Variants in TMEM108 observed in about 807,000 individuals in gnomAD.
TMEM108 encodes the protein cancer/testis antigen 124.
Under a neutral mutation model 35.1 loss-of-function variants are expected in TMEM108, and 12 were observed. The observed-to-expected ratio is 0.34, with a 90% CI of 0.22 to 0.55. TMEM108 has a LOEUF of 0.55. Among genes scored for constraint, TMEM108 ranks in the 20% least tolerant of loss-of-function variants. The probability of loss-of-function intolerance (pLI) is 0.89; values close to 1 mark genes in which losing one functional copy is unlikely to be tolerated. For synonymous variants in TMEM108, 287 were observed against 308.6 expected, an observed-to-expected ratio of 0.93 and a Z score of 0.73; for missense variants, 680 against 753.3, an observed-to-expected ratio of 0.90 and a Z score of 1.14.
At chr3:133,084,156 TAGAGGAAACCAA>T (rs1189284809) in intron 2 of TMEM108, among the ~76,000 whole-genome samples, 2 of 152,058 alleles carry the variant, frequency 1.3e-5, no homozygotes, top group Non-Finnish European at 2.9e-5. Flanking sequence ...AATTTTCAAC[TAGAGGAAACCAA>T]AGAACAGCAT....
At chr3:133,083,209 C>T (rs1306493865) in intron 2 of TMEM108, among the ~76,000 whole-genome samples, 1 of 142,642 alleles carries the variant, frequency 7.0e-6, no homozygotes, top group Admixed American at 7.1e-5. Flanking sequence ...CTCAGCCTGG[C>T]TTGACTGTTT....
intron 2 of TMEM108, among the ~76,000 whole-genome samples, chr3:133,191,966 G>A (rs1161456626): frequency 6.6e-6 from 1 of 152,056 alleles, no homozygotes; most frequent in Admixed American, 6.6e-5. Flanking sequence ...TGCCAGAGTG[G>A]CCCAACTTCT....
chr3:133,049,579 C>G (rs6787181), intron 2 of TMEM108, among the ~76,000 whole-genome samples: 93,491 of 152,072 alleles, frequency 0.61, 29,582 homozygotes, highest in African/African-American at 0.77. Flanking sequence ...GTCTGTGACT[C>G]TATCTTGCTG....
intron 2 of TMEM108, among the ~76,000 whole-genome samples, chr3:133,112,840 T>C (rs965779752): frequency 6.6e-6 from 1 of 152,164 alleles, no homozygotes; most frequent in Non-Finnish European, 1.5e-5. Flanking sequence ...GACGTAAGTG[T>C]TCTGAGAATC....
intron 2 of TMEM108, among the ~76,000 whole-genome samples, chr3:133,228,363 T>A (rs960124764): frequency 1.3e-5 from 2 of 152,204 alleles, no homozygotes; most frequent in African/African-American, 4.8e-5. Flanking sequence ...AATATTTGCC[T>A]CTCGGCAGAG....
chr3:133,304,605 G>A (rs1234205982), intron 3 of TMEM108, among the ~76,000 whole-genome samples: 1 of 152,066 alleles, frequency 6.6e-6, no homozygotes, highest in African/African-American at 2.4e-5. Context: ...ATTCTGTATA[G>A]TCTCTTGCAT....
chr3:133,175,459 C>A (rs1945204051), intron 2 of TMEM108, among the ~76,000 whole-genome samples: 1 of 152,184 alleles, frequency 6.6e-6, no homozygotes, highest in African/African-American at 2.4e-5. Context: ...GCCCATCAGA[C>A]TAACAGCAGA....
chr3:133,328,053 A>G (rs995900528), intron 3 of TMEM108, among the ~76,000 whole-genome samples: 1 of 152,062 alleles, frequency 6.6e-6, no homozygotes, highest in Admixed American at 6.6e-5. Context: ...GTTTAGTTCC[A>G]TTCATCTGTC....
chr3:133,368,299 G>C (rs1216879248), intron 3 of TMEM108, among the ~76,000 whole-genome samples: 1 of 152,226 alleles, frequency 6.6e-6, no homozygotes, highest in African/African-American at 2.4e-5. Context: ...ATTTCCTGCT[G>C]CTGTCATCAC....
chr3:133,282,999 T>C (rs570025363), intron 3 of TMEM108, among the ~76,000 whole-genome samples: 42 of 152,314 alleles, frequency 2.8e-4, no homozygotes, highest in African/African-American at 9.9e-4. Flanking sequence ...CGTATGTGTG[T>C]AAACAAGAAA....
intron 2 of TMEM108, among the ~76,000 whole-genome samples, chr3:133,087,127 C>T (rs966483255): frequency 2.6e-5 from 4 of 152,138 alleles, no homozygotes; most frequent in Non-Finnish European, 4.4e-5. Context: ...ATTAATGTAA[C>T]TCAGCCTAGA....
At position 133,125,014 on chromosome 3, in the gene TMEM108, A is replaced by G. The variant is rs564338369; in HGVS notation, c.-47+78994A>G. 20 of 152,318 alleles carry G rather than the reference A, an allele frequency of 1.3e-4. 1 individual carries two copies. In the East Asian group the frequency reaches 3.5e-3, roughly 26 times the overall value. 9.4% of individuals were successfully genotyped at this position (152,318 alleles called of 1,614,324 possible). A position where few individuals can be genotyped will look rare whatever the true frequency, so the allele number is the denominator to read the frequency against. On this transcript the variant is annotated intron_variant, in intron 2 of 5. Transcript: ENST00000321871. ...AAATTATATGGGGAGCTCTTATGCT[A>G]CTCTGAAGATCTGAGACTCGTTGGA... is the stretch of plus-strand genomic sequence containing the variant.
At chr3:133,297,011 C>T (rs879322710) in intron 3 of TMEM108, among the ~76,000 whole-genome samples, 2 of 152,098 alleles carry the variant, frequency 1.3e-5, no homozygotes, top group Non-Finnish European at 2.9e-5. Context: ...AGAACAAGGC[C>T]CAGGTCTGAG....
chr3:133,086,284 T>TGGGAGGAGTCACAGGGGAGAGAAGAGGG (rs1943880973), intron 2 of TMEM108, among the ~76,000 whole-genome samples: 2 of 152,138 alleles, frequency 1.3e-5, no homozygotes, highest in African/African-American at 4.8e-5. Flanking sequence ...TCTTACTTAA[T>TGGGAGGAGTCACAGGGGAGAGAAGAGGG]CTCTCGAGCA....
At chr3:133,257,393 G>A (rs1946563072) in intron 3 of TMEM108, among the ~76,000 whole-genome samples, 1 of 152,186 alleles carries the variant, frequency 6.6e-6, no homozygotes, top group African/African-American at 2.4e-5. Context: ...CAGTCTCTGA[G>A]TAGTTACAAA....
chr3:133,178,614 A>G (rs934118861), intron 2 of TMEM108, among the ~76,000 whole-genome samples: 3 of 152,252 alleles, frequency 2.0e-5, no homozygotes, highest in Non-Finnish European at 4.4e-5. Flanking sequence ...ATATGTAGAA[A>G]GCTGAAACTG....
At chr3:133,146,200 A>C (rs972981031) in intron 2 of TMEM108, among the ~76,000 whole-genome samples, 3 of 152,050 alleles carry the variant, frequency 2.0e-5, no homozygotes, top group African/African-American at 4.8e-5. Flanking sequence ...TATTGAAGGC[A>C]TTTTCTGCAT....
chr3:133,279,442 A>C (rs1047417314), intron 3 of TMEM108, among the ~76,000 whole-genome samples: 11 of 152,232 alleles, frequency 7.2e-5, no homozygotes, highest in Non-Finnish European at 1.3e-4. Flanking sequence ...TGCTGCCGGA[A>C]GTGGCAGATA....
intron 2 of TMEM108, among the ~76,000 whole-genome samples, chr3:133,145,252 T>C (rs889859889): frequency 6.6e-6 from 1 of 152,204 alleles, no homozygotes; most frequent in Non-Finnish European, 1.5e-5. Flanking sequence ...TTTGTCAGGT[T>C]TGTCAAAGAT....
Sources: allele counts gnomAD v4.1 joint callset (sites outside exome capture counted in the v4.1 genomes callset), GRCh38; gene constraint gnomAD v4.1.1; transcripts MANE v1.5; gene names NCBI Gene and HGNC (gene_info 2026-07-23, HGNC 2026-07-21).